FREM3: variants seen among roughly 807,000 people sequenced by gnomAD.
FREM3 encodes the protein FRAS1-related extracellular matrix protein 3.
FREM3 carries 105 observed loss-of-function variants against 129.1 expected under a neutral mutation model. The observed-to-expected ratio is 0.81, with a 90% CI of 0.69 to 0.96. The LOEUF is 0.96. Ranked by LOEUF, FREM3 falls within the 40% of genes least tolerant of loss-of-function variation. The pLI, the probability that FREM3 is intolerant of heterozygous loss-of-function variation, is 0.00. For missense variants in FREM3, 2,593 were observed against 2,666.3 expected (o/e 0.97, Z 0.61); for synonymous variants, 1,014 against 1,044.9 (o/e 0.97, Z 0.57).
At chr4:143,625,609 G>A (rs1171090720) in intron 3 of FREM3, among the ~76,000 whole-genome samples, 3 of 152,184 alleles carry the variant, frequency 2.0e-5, no homozygotes, top group African/African-American at 7.2e-5. Flanking sequence ...AAAAAAGAGT[G>A]AATGGTGTCC....
At chr4:143,675,123 T>C (rs1740088323) in intron 2 of FREM3, among the ~76,000 whole-genome samples, 1 of 152,190 alleles carries the variant, frequency 6.6e-6, no homozygotes, top group Admixed American at 6.5e-5. Context: ...ATTCCAAAAT[T>C]GACCACATAG....
intron 4 of FREM3, among the ~76,000 whole-genome samples, chr4:143,622,313 C>T (rs183681725): frequency 9.9e-5 from 15 of 151,284 alleles, no homozygotes; most frequent in Admixed American, 7.2e-4. Flanking sequence ...AGGCTGGTCT[C>T]GAACTCCTGG....
chr4:143,666,348 C>A (rs541143373), intron 2 of FREM3, among the ~76,000 whole-genome samples: 1 of 152,052 alleles, frequency 6.6e-6, no homozygotes, highest in Non-Finnish European at 1.5e-5. Context: ...GCTAAACATA[C>A]AATTATTGAA....
At position 143,700,101 on chromosome 4, in the gene FREM3, A is replaced by G. The variant is rs1238135960; in HGVS notation, c.575T>C (p.Val192Ala). 1 of 1,536,554 alleles carries G rather than the reference A, an allele frequency of 6.5e-7. No individual in the cohort carries two copies. Among genetic ancestry groups the G allele is most frequent in the Non-Finnish European group, 8.7e-7 (1 of 1,146,638 alleles). ...RSWSRAIDRR[V>A]LDFASLKSGA... ...AGACTTCAGGGAGGCGAAGTCCAGCACTCTCCTGTCTATGGCGCGGCTCCA... is the reference window on the plus strand; with the variant it reads ...AGACTTCAGGGAGGCGAAGTCCAGCGCTCTCCTGTCTATGGCGCGGCTCCA... The change falls in exon 1 of 8, where the codon GTG (valine) becomes GCG (alanine). Residue 192 changes from valine (V) to alanine (A), a missense_variant. Physicochemically the swap from Val to Ala is moderately conservative, Grantham distance 64. Transcript: ENST00000329798.
intron 6 of FREM3, among the ~76,000 whole-genome samples, chr4:143,605,432 C>T (rs1738652530): frequency 6.6e-6 from 1 of 152,108 alleles, no homozygotes; most frequent in Non-Finnish European, 1.5e-5. Flanking sequence ...TATTGTTCAC[C>T]TGATGGCTTT....
chr4:143,605,863 T>C (rs1738659898), intron 6 of FREM3, among the ~76,000 whole-genome samples: 1 of 152,170 alleles, frequency 6.6e-6, no homozygotes, highest in Non-Finnish European at 1.5e-5. Context: ...AAAGTGGTAA[T>C]TTAATGCCAT....
Position 143,698,572 on chromosome 4 carries a change from T to G in FREM3, c.2104A>C (p.Ser702Arg). ...GTAGTTCCTGGATACAGCTGTGGACTCAGTATATCCACTGGTTGGACCTTG... is the reference window on the plus strand; with the variant it reads ...GTAGTTCCTGGATACAGCTGTGGACGCAGTATATCCACTGGTTGGACCTTG... ...TIKVQPVDIL[S>R]PQLYPGTTLE... Residue 702 changes from serine to arginine, a missense_variant, in exon 1 of 8, where the codon AGT becomes CGT. Coordinates refer to ENST00000329798, the MANE Select transcript of FREM3 (RefSeq NM_001168235.2). The G allele has an allele frequency of 6.5e-7, 1 of 1,537,556 alleles. No individual in the cohort carries two copies. Among genetic ancestry groups the G allele is most frequent in the Non-Finnish European group, 8.7e-7 (1 of 1,146,948 alleles).
intron 2 of FREM3, among the ~76,000 whole-genome samples, chr4:143,691,649 A>G (rs1040040532): frequency 2.6e-5 from 4 of 152,234 alleles, no homozygotes; most frequent in Non-Finnish European, 5.9e-5. Context: ...TGGGCATCAT[A>G]ACATTTACTT....
intron 2 of FREM3, among the ~76,000 whole-genome samples, chr4:143,675,541 A>G (rs1229959895): frequency 6.6e-6 from 1 of 152,212 alleles, no homozygotes; most frequent in Non-Finnish European, 1.5e-5. Context: ...AACTAAGATC[A>G]GAGCAGAACT....
chr4:143,695,803 TCA>T lies in FREM3; in HGVS notation c.4871_4872del (p.Val1624AspfsTer7). The T allele has an allele frequency of 1.3e-6, 2 of 1,537,336 alleles. No individual in the cohort carries two copies. Among genetic ancestry groups the T allele is most frequent in the Non-Finnish European group, 8.7e-7 (1 of 1,146,930 alleles). ...TAGAAATCAGTGTGAGTGCCGTCTG[TCA>T]CAGTCAAGGAGAAACTATCTTCAGT... ...ETTEDSFSLT[V>X]TDGTHTDFYV... On this transcript the variant is annotated frameshift_variant, in exon 1 of 8. Coordinates refer to ENST00000329798, the MANE Select transcript of FREM3 (RefSeq NM_001168235.2). LOFTEE classifies it high-confidence loss of function.
At chr4:143,593,397 G>A (rs1578825726) in intron 6 of FREM3, among the ~76,000 whole-genome samples, 2 of 152,148 alleles carry the variant, frequency 1.3e-5, no homozygotes, top group Non-Finnish European at 2.9e-5. Flanking sequence ...TGATGGTGAC[G>A]TACAGATGGG....
intron 2 of FREM3, among the ~76,000 whole-genome samples, chr4:143,668,814 T>C (rs1739913537): frequency 6.6e-6 from 1 of 152,228 alleles, no homozygotes; most frequent in Non-Finnish European, 1.5e-5. Context: ...CCTACTTTTT[T>C]GTAAATTACT....
chr4:143,658,643 C>T (rs918952333), intron 2 of FREM3, among the ~76,000 whole-genome samples: 2 of 152,172 alleles, frequency 1.3e-5, no homozygotes, highest in Non-Finnish European at 2.9e-5. Context: ...GGGCGGCATG[C>T]GGCCCAGGAT....
chr4:143,695,551 C>T lies in FREM3; in HGVS notation c.5125G>A (p.Glu1709Lys). ...LLKYKVTRGP[E>K]HGFIIKTGLG... ...CCAGTTTTGATAATGAAGCCATGCT[C>T]TGGTCCTCTGGTCACTTTATACTTC... Residue 1709 changes from glutamate (E) to lysine (K), a missense_variant, in exon 1 of 8, where the codon GAG (glutamate) becomes AAG (lysine). Glu to Lys is a moderately conservative substitution (Grantham distance 56). This residue lies in a region of FREM3 where 2,276 missense variants were observed against 2,267.2 expected (regional missense o/e 1.00). Transcript: ENST00000329798. 6.5e-7 allele frequency: 1 copy of T among 1,537,426 alleles called. No homozygotes were observed. The highest frequency in any genetic ancestry group is 8.7e-7 in the Non-Finnish European group (1 of 1,146,944).
intron 2 of FREM3, among the ~76,000 whole-genome samples, chr4:143,652,510 C>T (rs1216776877): frequency 2.6e-5 from 4 of 152,076 alleles, no homozygotes; most frequent in Admixed American, 2.6e-4. Flanking sequence ...TTTTAAAAGC[C>T]TTAACGAGCA....
At chr4:143,685,542 C>T (rs980127037) in intron 2 of FREM3, among the ~76,000 whole-genome samples, 5 of 152,112 alleles carry the variant, frequency 3.3e-5, no homozygotes, top group African/African-American at 9.7e-5. Context: ...CAAAACAGAA[C>T]CTCTTTAAAG....
chr4:143,697,781 A>T lies in FREM3; in HGVS notation c.2895T>A (p.Thr965=). Residue 965 remains threonine (T), a synonymous_variant, in exon 1 of 8, where the codon ACT becomes ACA. Transcript: ENST00000329798. ...CATGGATGACACCCATGGTAATTTCAGTGGCTTTATTCTCTAGTACGTCTA... is the reference window on the plus strand; with the variant it reads ...CATGGATGACACCCATGGTAATTTCTGTGGCTTTATTCTCTAGTACGTCTA... ...VSIDVLENKA[T]EITMGVIHGK... 6.5e-7 allele frequency: 1 copy of T among 1,537,620 alleles called. No individual in the cohort carries two copies. Among genetic ancestry groups the T allele is most frequent in the Non-Finnish European group, 8.7e-7 (1 of 1,146,994 alleles).
chr4:143,618,302 A>G (rs542662313), intron 5 of FREM3, among the ~76,000 whole-genome samples: 47 of 152,088 alleles, frequency 3.1e-4, no homozygotes, highest in African/African-American at 1.1e-3. Context: ...ATGCCTGGAA[A>G]ACTCCCTGCA....
intron 6 of FREM3, among the ~76,000 whole-genome samples, chr4:143,586,571 C>G (rs529556552): frequency 6.6e-6 from 1 of 152,126 alleles, no homozygotes; most frequent in Admixed American, 6.5e-5. Flanking sequence ...AGAAGTGACT[C>G]CATAGAAAAA....
Sources: allele counts gnomAD v4.1 joint callset (sites outside exome capture counted in the v4.1 genomes callset), GRCh38; gene constraint gnomAD v4.1.1; regional missense constraint gnomAD v4.1.1; transcripts MANE v1.5; gene names NCBI Gene and HGNC (gene_info 2026-07-23, HGNC 2026-07-21).